Variants in RAB14 observed in about 807,000 individuals in gnomAD.
RAB14 encodes ras-related protein Rab-14.
Under a neutral mutation model 31.1 loss-of-function variants are expected in RAB14, and 3 were observed. That is an observed-to-expected ratio of 0.10 (90% confidence interval 0.04 to 0.25). The LOEUF (loss-of-function observed/expected upper bound fraction) is 0.25, where lower values mean the gene tolerates loss of function less well. Among genes scored for constraint, RAB14 ranks in the 10% least tolerant of loss-of-function variants. The pLI, the probability that RAB14 is intolerant of heterozygous loss-of-function variation, is 1.00. For synonymous variants in RAB14, 85 were observed against 84.9 expected (o/e 1.00, Z 0.00); for missense variants, 111 against 260.1 (o/e 0.43, Z 3.94).
chr9:121,191,225 T>A (rs1006036003), intron 3 of RAB14, among the ~76,000 whole-genome samples: 7 of 152,172 alleles, frequency 4.6e-5, no homozygotes, highest in African/African-American at 1.4e-4. Context: ...CTTCTTACAA[T>A]CATTATCTAT....
intron 4 of RAB14, among the ~76,000 whole-genome samples, chr9:121,188,243 GTAT>G (rs1354920600): frequency 1.3e-5 from 2 of 151,702 alleles, no homozygotes; most frequent in Non-Finnish European, 2.9e-5. Flanking sequence ...TTTGATATTC[GTAT>G]TATTGGCATA....
In RAB14 at chr9:121,181,376, G is replaced by A. The variant is rs756939043; in HGVS notation, c.*20C>T. The A allele has an allele frequency of 6.4e-7, 1 of 1,562,896 alleles. No individual in the cohort carries two copies. The highest frequency in any genetic ancestry group is 1.2e-5 in the South Asian group (1 of 86,596). On this transcript the variant is annotated 3_prime_UTR_variant, in exon 8 of 8. Transcript: ENST00000373840. ...AGACAGAGGTGAAAGGTCAAATGAG[G>A]GGCCACAGCAAAGAGGTCACTAGCA...
intron 3 of RAB14, 98 bp downstream of exon 3, chr9:121,192,073 T>A (rs567356553): frequency 2.4e-5 from 21 of 886,342 alleles, no homozygotes; most frequent in Middle Eastern, 6.8e-4. Flanking sequence ...AAAGGTTATA[T>A]TTAAATGCAT....
chr9:121,190,215 C>A (rs1317598289), intron 4 of RAB14, among the ~76,000 whole-genome samples: 2 of 151,944 alleles, frequency 1.3e-5, no homozygotes, highest in Non-Finnish European at 2.9e-5. Flanking sequence ...TAGAGTAAGT[C>A]CCAAGAGTGA....
intron 1 of RAB14, among the ~76,000 whole-genome samples, chr9:121,200,133 G>A (rs2053750938): frequency 6.6e-6 from 1 of 152,186 alleles, no homozygotes. Context: ...CTAGGAAGTG[G>A]CAGTACTGGA....
intron 4 of RAB14, among the ~76,000 whole-genome samples, chr9:121,187,766 C>T (rs538529616): frequency 2.0e-5 from 3 of 151,966 alleles, no homozygotes; most frequent in Non-Finnish European, 4.4e-5. Flanking sequence ...ATATCATACA[C>T]AGTAGAATCT....
At chr9:121,190,504 C>A in intron 4 of RAB14, 50 bp downstream of exon 4, 1 of 1,488,818 alleles carries the variant, frequency 6.7e-7, no homozygotes, top group Non-Finnish European at 9.0e-7. Context: ...TTTTAAATGC[C>A]CAAAGTAGAT....
intron 1 of RAB14, among the ~76,000 whole-genome samples, chr9:121,198,060 TATA>T (rs1300171227): frequency 2.0e-5 from 3 of 151,802 alleles, no homozygotes; most frequent in Admixed American, 1.3e-4. Flanking sequence ...CCTATATTCA[TATA>T]ATATGGAATA....
chr9:121,179,692 T>C lies in RAB14; in HGVS notation c.*1704A>G, dbSNP rs2053622699. 6.5e-6 allele frequency: 1 copy of C among 152,694 alleles called. No individual in the cohort carries two copies. The allele number at this position is 152,694 out of a possible 1,614,324, so 9.5% of individuals were successfully genotyped here. A position where few individuals can be genotyped will look rare whatever the true frequency, so the allele number is the denominator to read the frequency against. ...CAAAAATAAAAATGAATCCACAAAT[T>C]AACCAAAGCCTACTTTCTGCACATT... is the stretch of plus-strand genomic sequence containing the variant. On this transcript the variant is annotated 3_prime_UTR_variant, in exon 8 of 8. Transcript: ENST00000373840.
intron 7 of RAB14, 62 bp from the exon 8 acceptor site, chr9:121,181,635 A>C: frequency 7.4e-7 from 1 of 1,353,734 alleles, no homozygotes; most frequent in East Asian, 2.4e-5. Context: ...CAAGACACTG[A>C]CCTTTTGCTA....
Position 121,180,675 on chromosome 9 carries a change from A to C in RAB14, c.*721T>G, listed in dbSNP as rs529991967. The C allele has an allele frequency of 6.5e-6, 1 of 152,684 alleles. No homozygotes were observed. The highest frequency in any genetic ancestry group is 1.5e-5 in the Non-Finnish European group (1 of 68,046). 9.5% of individuals were successfully genotyped at this position (152,684 alleles called of 1,614,324 possible). On this transcript the variant is annotated 3_prime_UTR_variant, in exon 8 of 8. Coordinates refer to ENST00000373840, the MANE Select transcript of RAB14 (RefSeq NM_016322.4). ...TTATACTGTTCCAATGCCAGTAATC[A>C]ATTTATTTTCTTCATTAAAATAATA... is the stretch of plus-strand genomic sequence containing the variant.
At position 121,179,999 on chromosome 9, in the gene RAB14, G is replaced by A. The variant is rs536279054; in HGVS notation, c.*1397C>T. ...TAAAACATGTTGTCCAAAAAAATAA[G>A]ATTGTTTCTCTTGCTATACAGTATT... is the stretch of plus-strand genomic sequence containing the variant. On this transcript the variant is annotated 3_prime_UTR_variant, in exon 8 of 8. Transcript: ENST00000373840. The A allele has an allele frequency of 6.5e-6, 1 of 152,690 alleles. No individual in the cohort carries two copies. Among genetic ancestry groups the A allele is most frequent in the Admixed American group, 6.5e-5 (1 of 15,298 alleles). The allele number at this position is 152,690 out of a possible 1,614,324, so 9.5% of individuals were successfully genotyped here.
At chr9:121,195,823 C>A (rs2053712273) in intron 1 of RAB14, among the ~76,000 whole-genome samples, 1 of 152,066 alleles carries the variant, frequency 6.6e-6, no homozygotes, top group African/African-American at 2.4e-5. Context: ...CACAACAGGT[C>A]TTCCCTTTCT....
chr9:121,187,868 CA>C (rs1199729893), intron 4 of RAB14, among the ~76,000 whole-genome samples: 6 of 151,964 alleles, frequency 3.9e-5, no homozygotes, highest in Admixed American at 3.9e-4. Context: ...ACTCGTTTAA[CA>C]TGTGAGGAAA....
rs1371780864 is a variant in RAB14 at position 121,180,321 on chromosome 9, C to G, written c.*1075G>C. Reference sequence around the variant, plus strand: ...TTAAAATGTGCAATAGTAAACCCAGCCTTTTTTCTTTTTCTATACAGTAAG... The same window carrying G: ...TTAAAATGTGCAATAGTAAACCCAGGCTTTTTTCTTTTTCTATACAGTAAG... On this transcript the variant is annotated 3_prime_UTR_variant, in exon 8 of 8. Coordinates refer to ENST00000373840, the MANE Select transcript of RAB14 (RefSeq NM_016322.4). 6.6e-6 allele frequency: 1 copy of G among 152,604 alleles called. No individual in the cohort carries two copies. Among genetic ancestry groups the G allele is most frequent in the African/African-American group, 2.4e-5 (1 of 41,432 alleles). 9.5% of individuals were successfully genotyped at this position (152,604 alleles called of 1,614,324 possible).
chr9:121,190,449 C>G (rs973022608), intron 4 of RAB14, 105 bp downstream of exon 4: 1 of 1,011,392 alleles, frequency 9.9e-7, no homozygotes, highest in African/African-American at 1.6e-5. Flanking sequence ...TAAGTTCATT[C>G]ACAGTCATAC....
chr9:121,199,784 AATCC>A (rs1229677440), intron 1 of RAB14, among the ~76,000 whole-genome samples: 2 of 152,178 alleles, frequency 1.3e-5, no homozygotes, highest in Non-Finnish European at 2.9e-5. Context: ...AACAGTCTCT[AATCC>A]TAAAAACTCA....
At chr9:121,182,624 T>G (rs1399844433) in intron 7 of RAB14, among the ~76,000 whole-genome samples, 2 of 152,246 alleles carry the variant, frequency 1.3e-5, no homozygotes, top group Non-Finnish European at 2.9e-5. Flanking sequence ...ACCTCACTTG[T>G]GAAAAGTCAA....
At position 121,179,601 on chromosome 9, in the gene RAB14, G is replaced by T. The variant is rs1434933342; in HGVS notation, c.*1795C>A. On this transcript the variant is annotated 3_prime_UTR_variant, in exon 8 of 8. Coordinates refer to ENST00000373840, the MANE Select transcript of RAB14 (RefSeq NM_016322.4). ...AACAGTGTAAGCAAAATGGATCACT[G>T]TAAGTCTTTAACAGAATATACCAAT... The T allele has an allele frequency of 6.6e-6, 1 of 152,620 alleles. No individual in the cohort carries two copies. Among genetic ancestry groups the T allele is most frequent in the Non-Finnish European group, 1.5e-5 (1 of 68,032 alleles). The allele number at this position is 152,620 out of a possible 1,614,324, so 9.5% of individuals were successfully genotyped here.
Sources: gnomAD v4.1 joint callset for allele counts (sites outside exome capture counted in the v4.1 genomes callset) on GRCh38, gnomAD v4.1.1 for gene constraint, MANE v1.5 for transcripts, NCBI Gene and HGNC (gene_info 2026-07-23, HGNC 2026-07-21) for gene names.